TASOR: variants seen among roughly 807,000 people sequenced by gnomAD.
TASOR encodes the protein transcription activation suppressor.
Under a neutral mutation model 178.6 loss-of-function variants are expected in TASOR, and 53 were observed. The observed-to-expected ratio is 0.30, with a 90% confidence interval of 0.24 to 0.37. TASOR has a LOEUF of 0.37. Ranked by LOEUF, TASOR falls within the 10% of genes least tolerant of loss-of-function variation. TASOR has a pLI of 1.00. For missense variants in TASOR, 1,815 were observed against 1,971.4 expected (o/e 0.92, Z 1.50); for synonymous variants, 713 against 696.2 (o/e 1.02, Z -0.38).
At chr3:56,627,009 C>T in intron 21 of TASOR, 28 bp downstream of exon 21, 1 of 1,315,070 alleles carries the variant, frequency 7.6e-7, no homozygotes, top group South Asian at 1.2e-5. Context: ...AATCAACAAC[C>T]ATTATATAGT....
At chr3:56,672,735 A>G (rs1252713729) in intron 2 of TASOR, among the ~76,000 whole-genome samples, 1 of 152,222 alleles carries the variant, frequency 6.6e-6, no homozygotes, top group Admixed American at 6.5e-5. Flanking sequence ...ACACCCATAT[A>G]TTTGACTTCA....
chr3:56,669,785 T>G lies in TASOR; in HGVS notation c.650A>C (p.Tyr217Ser). The G allele has an allele frequency of 1.3e-6, 2 of 1,542,178 alleles. No individual in the cohort carries two copies. The highest frequency in any genetic ancestry group is 1.7e-6 in the Non-Finnish European group (2 of 1,143,084). The stretch of plus-strand genomic sequence containing the variant: ...TAATAAATCAGCATACCTAGAAAGA[T>G]AGACACCTAGAAAAGACGGAAAAAT... ...TILGSPSMGVYLSRYADLLQA... is the reference protein window; with the variant it reads ...TILGSPSMGVSLSRYADLLQA... The change falls in exon 5 of 24, where the codon TAT (tyrosine) becomes TCT (serine). Residue 217 changes from tyrosine (Y) to serine (S), a missense_variant. Tyr to Ser is a moderately radical substitution (Grantham distance 144). Around this residue, in one of 5 missense-constraint regions of TASOR, gnomAD observed 504 missense variants for 645.3 expected, o/e 0.78. Coordinates refer to ENST00000683822, the MANE Select transcript of TASOR (RefSeq NM_001365635.2).
chr3:56,673,157 G>C (rs968462598), intron 2 of TASOR, among the ~76,000 whole-genome samples: 3 of 152,134 alleles, frequency 2.0e-5, no homozygotes, highest in African/African-American at 7.2e-5. Context: ...CTACACTTAA[G>C]ATTTTCAGTT....
intron 11 of TASOR, among the ~76,000 whole-genome samples, chr3:56,656,430 A>C (rs1354597796): frequency 6.6e-6 from 1 of 151,838 alleles, no homozygotes; most frequent in Non-Finnish European, 1.5e-5. Flanking sequence ...TCTACAAAAA[A>C]TACAAAAAAA....
At chr3:56,625,030 T>G (rs2076766792) in intron 21 of TASOR, 24 bp from the exon 22 acceptor site, 1 of 1,604,644 alleles carries the variant, frequency 6.2e-7, no homozygotes, top group Non-Finnish European at 8.5e-7. Flanking sequence ...CAGTTCAGTT[T>G]CTGGATCTGT....
intron 18 of TASOR, among the ~76,000 whole-genome samples, chr3:56,629,560 A>G (rs1459012488): frequency 6.6e-6 from 1 of 152,192 alleles, no homozygotes. Context: ...TTCTGTCTTC[A>G]AAGTAGACTT....
chr3:56,639,748 T>C (rs1578213048), intron 16 of TASOR, among the ~76,000 whole-genome samples: 2 of 149,704 alleles, frequency 1.3e-5, no homozygotes, highest in East Asian at 4.3e-4. Flanking sequence ...ATAGAGACAG[T>C]GTGTCTTAAA....
chr3:56,662,244 A>G, intron 9 of TASOR, 141 bp downstream of exon 9: 1 of 606,224 alleles, frequency 1.6e-6, no homozygotes, highest in Non-Finnish European at 3.0e-6. Context: ...ATTTCAAATC[A>G]ACCATTTAAA....
At chr3:56,626,978 A>G (rs1332952730) in intron 21 of TASOR, 59 bp downstream of exon 21, 2 of 1,042,140 alleles carry the variant, frequency 1.9e-6, no homozygotes, top group Non-Finnish European at 1.4e-6. Flanking sequence ...GAAGAGAGAA[A>G]TATTATGAGT....
intron 14 of TASOR, among the ~76,000 whole-genome samples, chr3:56,642,600 G>A (rs1018239168): frequency 1.1e-4 from 16 of 152,112 alleles, no homozygotes; most frequent in African/African-American, 3.6e-4. Flanking sequence ...TATAGAGCAG[G>A]CAAAACTAAT....
chr3:56,653,760 AC>A (rs1214188847), intron 11 of TASOR, among the ~76,000 whole-genome samples: 6 of 152,212 alleles, frequency 3.9e-5, no homozygotes, highest in African/African-American at 1.4e-4. Context: ...AATAAAAAAG[AC>A]AAAAGTATCC....
At chr3:56,664,985 G>A (rs1353287820) in intron 7 of TASOR, among the ~76,000 whole-genome samples, 1 of 152,166 alleles carries the variant, frequency 6.6e-6, no homozygotes, top group Non-Finnish European at 1.5e-5. Flanking sequence ...GACCAGCCTG[G>A]CCAACACAGC....
At position 56,621,784 on chromosome 3, in the gene TASOR, T is replaced by C; in HGVS notation, c.*1253A>G. ...AAAATGCTGTACTTGTTCTATACAA[T>C]AAAACAGATACTTCTTTTGTAAAAG... On this transcript the variant is annotated 3_prime_UTR_variant, in exon 24 of 24. Transcript: ENST00000683822. The C allele has an allele frequency of 5.0e-6, 1 of 199,310 alleles. No individual in the cohort carries two copies. The highest frequency in any genetic ancestry group is 8.9e-6 in the Non-Finnish European group (1 of 111,760). The allele number at this position is 199,310 out of a possible 1,614,324, so 12.3% of individuals were successfully genotyped here.
At chr3:56,676,709 CCAATA>C (rs1360899764) in intron 1 of TASOR, among the ~76,000 whole-genome samples, 5 of 152,034 alleles carry the variant, frequency 3.3e-5, no homozygotes, top group African/African-American at 7.2e-5. Flanking sequence ...GTTAAGCTAC[CCAATA>C]CAATTTCTAC....
rs546561853 is a variant in TASOR at position 56,634,834 on chromosome 3, A to G, written c.2825-868T>C. Reference sequence around the variant, plus strand: ...TCAAACACAGTATGTTTTTGAAACTACATTTGAAAAAGGGAACTCTAATTC... The same window carrying G: ...TCAAACACAGTATGTTTTTGAAACTGCATTTGAAAAAGGGAACTCTAATTC... On this transcript the variant is annotated intron_variant, in intron 17 of 23. Transcript: ENST00000683822. Among the ~76,000 whole-genome samples the G allele has an allele frequency of 6.6e-5, 10 of 152,358 alleles. No individual in the cohort carries two copies. The South Asian group carries it at 1.9e-3, about 28-fold the overall frequency.
chr3:56,627,819 GA>G, intron 19 of TASOR, 78 bp from the exon 20 acceptor site: 1 of 1,345,438 alleles, frequency 7.4e-7, no homozygotes, highest in East Asian at 2.3e-5. Context: ...GAACCTACAA[GA>G]AGTCTAACAG....
chr3:56,673,001 G>A (rs933360942), intron 2 of TASOR, among the ~76,000 whole-genome samples: 3 of 151,938 alleles, frequency 2.0e-5, no homozygotes, highest in Non-Finnish European at 4.4e-5. Flanking sequence ...TCGTAGAGAC[G>A]GGTTTTGCCA....
rs1313604817 is a variant in TASOR, at chr3:56,646,554, C to T, written c.2183G>A (p.Ser728Asn). 6.2e-7 allele frequency: 1 copy of T among 1,605,440 alleles called. No individual in the cohort carries two copies. Among genetic ancestry groups the T allele is most frequent in the East Asian group, 2.2e-5 (1 of 44,844 alleles). ...CAGATGGCAATTTTCAGATAAATTA[C>T]TGGTTTTGGCGAGCTTTCTCATATT... ...PENMRKLAKT[S>N]NLSENCHLYE... Residue 728 changes from serine to asparagine, a missense_variant, in exon 14 of 24, where the codon AGT (serine) becomes AAT (asparagine). Transcript: ENST00000683822.
rs141653381 is a variant in TASOR, at chr3:56,621,400, G to GA, written c.*1636dup. On this transcript the variant is annotated 3_prime_UTR_variant, in exon 24 of 24. Transcript: ENST00000683822. ...GAGGTGGTCTAGTACAAGCATTTCT[G>GA]AAAAAATTTTTGAATGACAAAATTT... 10,992 of 560,784 alleles carry GA rather than the reference G, an allele frequency of 0.02. 911 individuals are homozygous for GA. Among genetic ancestry groups the GA allele is most frequent in the African/African-American group, 0.18 (9,577 of 53,116 alleles). 34.7% of individuals were successfully genotyped at this position (560,784 alleles called of 1,614,324 possible).
Sources: gnomAD v4.1 joint callset for allele counts (sites outside exome capture counted in the v4.1 genomes callset) on GRCh38, gnomAD v4.1.1 for gene constraint, gnomAD v4.1.1 regional missense constraint, MANE v1.5 for transcripts, NCBI Gene and HGNC (gene_info 2026-07-23, HGNC 2026-07-21) for gene names.